DCDC1: variants seen among roughly 807,000 people sequenced by gnomAD.
DCDC1 encodes the protein doublecortin domain containing 1.
A neutral mutation model predicts 178.3 loss-of-function variants in DCDC1; 200 were observed. The ratio of observed to expected loss-of-function variants is 1.12; its 90% CI spans 1.00 to 1.26. The LOEUF is 1.26. Ranked by LOEUF, DCDC1 falls within the 50% of genes most tolerant of loss-of-function variation. The probability of loss-of-function intolerance (pLI) is 0.00; values close to 1 mark genes in which losing one functional copy is unlikely to be tolerated. For synonymous variants in DCDC1, 690 were observed against 604.8 expected (o/e 1.14, Z -2.07); for missense variants, 1,983 against 1,749.2 (o/e 1.13, Z -2.38).
intron 20 of DCDC1, among the ~76,000 whole-genome samples, chr11:30,967,782 T>C (rs1949526518): frequency 6.6e-6 from 1 of 152,176 alleles, no homozygotes; most frequent in East Asian, 1.9e-4. Context: ...TAGTCTATTA[T>C]GAGTCACATT....
At chr11:31,113,946 G>A (rs1959427685) in intron 11 of DCDC1, among the ~76,000 whole-genome samples, 1 of 152,018 alleles carries the variant, frequency 6.6e-6, no homozygotes, top group African/African-American at 2.4e-5. Flanking sequence ...CCAATTAATT[G>A]GCTCTGTTAA....
At chr11:30,935,409 G>A (rs545820261) in intron 21 of DCDC1, among the ~76,000 whole-genome samples, 7 of 152,260 alleles carry the variant, frequency 4.6e-5, no homozygotes, top group East Asian at 3.9e-4. Flanking sequence ...GGATGCTACC[G>A]TCTTCGTTAC....
intron 13 of DCDC1, among the ~76,000 whole-genome samples, chr11:31,106,230 T>C (rs186445128): frequency 1.3e-5 from 2 of 152,336 alleles, no homozygotes; most frequent in East Asian, 1.9e-4. Flanking sequence ...GAATATAACT[T>C]TGATAGGATA....
intron 6 of DCDC1, 108 bp downstream of exon 6, chr11:31,305,507 A>T: frequency 7.2e-7 from 1 of 1,384,868 alleles, no homozygotes; most frequent in Non-Finnish European, 9.8e-7. Context: ...CGTAAACATT[A>T]GTTTTGTTAA....
chr11:30,934,005 T>C (rs1227070559), intron 21 of DCDC1, among the ~76,000 whole-genome samples: 1 of 152,212 alleles, frequency 6.6e-6, no homozygotes, highest in African/African-American at 2.4e-5. Context: ...TTTCTGCTAG[T>C]ATCATGTCTT....
intron 20 of DCDC1, among the ~76,000 whole-genome samples, chr11:30,979,795 G>T (rs1160543244): frequency 6.6e-6 from 1 of 152,184 alleles, no homozygotes; most frequent in Non-Finnish European, 1.5e-5. Context: ...GTTCAAGTGT[G>T]ACTGTCATAA....
intron 9 of DCDC1, among the ~76,000 whole-genome samples, chr11:31,215,505 A>G: frequency 6.6e-6 from 1 of 152,118 alleles, no homozygotes; most frequent in Non-Finnish European, 1.5e-5. Context: ...CTAAAAATGG[A>G]GGCAGCAGGC....
At chr11:31,103,989 C>T (rs959940936) in intron 13 of DCDC1, among the ~76,000 whole-genome samples, 5 of 152,056 alleles carry the variant, frequency 3.3e-5, no homozygotes, top group African/African-American at 1.2e-4. Context: ...ATAGTTTCAA[C>T]ATATGTAATT....
At chr11:30,967,417 C>G (rs1337164545) in intron 20 of DCDC1, among the ~76,000 whole-genome samples, 1 of 152,154 alleles carries the variant, frequency 6.6e-6, no homozygotes, top group African/African-American at 2.4e-5. Flanking sequence ...CCCATCGTCT[C>G]AGCCCAAAAT....
chr11:31,271,683 C>A (rs1945563152), intron 7 of DCDC1, among the ~76,000 whole-genome samples: 1 of 152,160 alleles, frequency 6.6e-6, no homozygotes, highest in Non-Finnish European at 1.5e-5. Context: ...CATTATCATG[C>A]TGCTGATAAA....
intron 16 of DCDC1, among the ~76,000 whole-genome samples, chr11:31,092,718 T>C (rs1452958818): frequency 1.3e-5 from 2 of 152,198 alleles, no homozygotes; most frequent in African/African-American, 2.4e-5. Context: ...AATGAAAGAA[T>C]ATGGGATCTG....
chr11:31,106,139 G>C (rs1213102479), intron 13 of DCDC1, among the ~76,000 whole-genome samples: 1 of 152,066 alleles, frequency 6.6e-6, no homozygotes, highest in Admixed American at 6.6e-5. Context: ...TTTTATGCAG[G>C]AATTTACCAA....
intron 12 of DCDC1, among the ~76,000 whole-genome samples, chr11:31,107,766 G>C (rs1958944707): frequency 6.6e-6 from 1 of 152,056 alleles, no homozygotes; most frequent in South Asian, 2.1e-4. Context: ...AAGTGTTTCA[G>C]CCTTTGCTCT....
At chr11:31,181,344 C>T (rs977975979) in intron 9 of DCDC1, among the ~76,000 whole-genome samples, 5 of 152,168 alleles carry the variant, frequency 3.3e-5, no homozygotes, top group African/African-American at 1.2e-4. Context: ...GCGGACTGCC[C>T]AACACAGTGC....
intron 3 of DCDC1, 107 bp from the exon 4 acceptor site, chr11:31,308,015 C>T (rs1948566140): frequency 2.9e-6 from 4 of 1,395,406 alleles, no homozygotes; most frequent in Non-Finnish European, 3.9e-6. Flanking sequence ...CAAAATACTA[C>T]ACACTTAGCC....
At chr11:30,873,626 T>A (rs1048961628) in intron 38 of DCDC1, among the ~76,000 whole-genome samples, 4 of 152,106 alleles carry the variant, frequency 2.6e-5, no homozygotes, top group African/African-American at 9.7e-5. Flanking sequence ...GGGATGCAGG[T>A]GCTCACACTT....
chr11:31,139,117 T>C (rs1000740626), intron 9 of DCDC1, among the ~76,000 whole-genome samples: 27 of 151,696 alleles, frequency 1.8e-4, no homozygotes, highest in African/African-American at 6.5e-4. Flanking sequence ...TACACACACA[T>C]TATATATATA....
At chr11:31,311,030 C>G (rs142232683) in intron 3 of DCDC1, among the ~76,000 whole-genome samples, 1 of 152,140 alleles carries the variant, frequency 6.6e-6, no homozygotes, top group Non-Finnish European at 1.5e-5. Context: ...ATCATTATTG[C>G]CTGATTTACC....
intron 27 of DCDC1, among the ~76,000 whole-genome samples, chr11:30,913,030 G>T (rs1565065100): frequency 6.6e-6 from 1 of 152,268 alleles, no homozygotes; most frequent in South Asian, 2.1e-4. Flanking sequence ...GGGAAGATGT[G>T]CAATAAACCT....
Sources: gnomAD v4.1 joint callset for allele counts (sites outside exome capture counted in the v4.1 genomes callset) on GRCh38, gnomAD v4.1.1 for gene constraint, MANE v1.5 for transcripts, NCBI Gene and HGNC (gene_info 2026-07-23, HGNC 2026-07-21) for gene names.